Variants in VRK2 observed in about 807,000 individuals in gnomAD.
VRK2 encodes the protein serine/threonine-protein kinase VRK2.
VRK2 carries 60 observed loss-of-function variants against 57.6 expected under a neutral mutation model. The ratio of observed to expected loss-of-function variants is 1.04; its 90% CI spans 0.85 to 1.29. The LOEUF is 1.29. VRK2 is among the 50% of genes most tolerant of loss of function. The probability of loss-of-function intolerance (pLI) is 0.00; values close to 1 mark genes in which losing one functional copy is unlikely to be tolerated. For synonymous variants in VRK2, 231 were observed against 199.2 expected, an observed-to-expected ratio of 1.16 and a Z score of -1.35; for missense variants, 705 against 588.1, an observed-to-expected ratio of 1.20 and a Z score of -2.06.
At chr2:58,093,436 G>A (rs1192228226) in intron 7 of VRK2, among the ~76,000 whole-genome samples, 1 of 151,986 alleles carries the variant, frequency 6.6e-6, no homozygotes, top group Non-Finnish European at 1.5e-5. Flanking sequence ...ATTTTTTCAT[G>A]TGTTTTTTGG....
intron 1 of VRK2, among the ~76,000 whole-genome samples, chr2:57,941,920 A>G (rs1302743468): frequency 6.6e-6 from 1 of 152,196 alleles, no homozygotes; most frequent in Non-Finnish European, 1.5e-5. Context: ...TTGTATTTCT[A>G]TTCTGGGTGC....
intron 1 of VRK2, among the ~76,000 whole-genome samples, chr2:57,910,401 G>A (rs533040302): frequency 2.5e-4 from 38 of 152,262 alleles, no homozygotes; most frequent in African/African-American, 8.9e-4. Context: ...AACTTGTGAA[G>A]ACAGGAAATG....
chr2:58,048,528 T>C (rs761930633), intron 1 of VRK2: 209 of 1,332,542 alleles, frequency 1.6e-4, no homozygotes, highest in Non-Finnish European at 1.9e-4. Context: ...TTTCTTAAGG[T>C]GTGTCCTGCA....
intron 1 of VRK2, among the ~76,000 whole-genome samples, chr2:57,912,112 T>C (rs1325991065): frequency 6.6e-6 from 1 of 152,210 alleles, no homozygotes; most frequent in South Asian, 2.1e-4. Flanking sequence ...TTAACTGATA[T>C]AAATGCACAG....
At chr2:58,147,120 CCCCACCTTGTATA>C (rs1416451617) in intron 12 of VRK2, 4 of 516,970 alleles carry the variant, frequency 7.7e-6, no homozygotes, top group Non-Finnish European at 1.5e-5. Flanking sequence ...TAATTTAATA[CCCCACCTTGTATA>C]CCCTACCTAA....
chr2:57,958,500 T>G (rs753195129), intron 1 of VRK2, among the ~76,000 whole-genome samples: 1 of 151,756 alleles, frequency 6.6e-6, no homozygotes, highest in Non-Finnish European at 1.5e-5. Context: ...ATATGTGTCA[T>G]ATGCTATATA....
At chr2:58,110,875 A>G (rs1237485531) in intron 7 of VRK2, among the ~76,000 whole-genome samples, 1 of 152,204 alleles carries the variant, frequency 6.6e-6, no homozygotes, top group Non-Finnish European at 1.5e-5. Flanking sequence ...GCCTATTAGG[A>G]GAGACCCCAG....
chr2:58,121,512 A>G (rs543561967), intron 7 of VRK2, among the ~76,000 whole-genome samples: 51 of 152,346 alleles, frequency 3.3e-4, no homozygotes, highest in African/African-American at 1.2e-3. Flanking sequence ...CCATGTTAAG[A>G]AACAGCATCT....
chr2:58,146,585 G>T, intron 12 of VRK2, 111 bp downstream of exon 12: 1 of 1,261,958 alleles, frequency 7.9e-7, no homozygotes, highest in Non-Finnish European at 1.1e-6. Flanking sequence ...GTATGGTTTT[G>T]TTAAATGAGA....
intron 2 of VRK2, among the ~76,000 whole-genome samples, chr2:58,074,717 G>A (rs1669847179): frequency 6.6e-6 from 1 of 151,844 alleles, no homozygotes; most frequent in Non-Finnish European, 1.5e-5. Flanking sequence ...CTCTGGCACG[G>A]TTCATTTCTT....
chr2:57,996,842 T>A (rs1262345384), intron 1 of VRK2, among the ~76,000 whole-genome samples: 3 of 152,132 alleles, frequency 2.0e-5, no homozygotes, highest in Admixed American at 2.0e-4. Context: ...TTATTTATAA[T>A]ACCTAATGAA....
chr2:57,965,302 G>A (rs1410460413), intron 1 of VRK2, among the ~76,000 whole-genome samples: 1 of 152,160 alleles, frequency 6.6e-6, no homozygotes, highest in East Asian at 1.9e-4. Flanking sequence ...ATAGTTTCAT[G>A]GGAAAATAGC....
At chr2:58,159,895 G>T, downstream of VRK2, 5 of 1,564,160 alleles carry the variant, frequency 3.2e-6, no homozygotes, top group South Asian at 4.8e-5. Context: ...TAGTGTCATA[G>T]TACAGTTTGG....
At chr2:58,089,584 G>A (rs1427034584) in intron 6 of VRK2, 47 bp from the exon 7 acceptor site, 3 of 1,185,060 alleles carry the variant, frequency 2.5e-6, no homozygotes, top group Non-Finnish European at 3.6e-6. Flanking sequence ...AATTGATCAT[G>A]AGTTCTAAAT....
At chr2:58,148,765 T>A (rs1015846453) in intron 12 of VRK2, among the ~76,000 whole-genome samples, 4 of 151,746 alleles carry the variant, frequency 2.6e-5, no homozygotes, top group African/African-American at 9.7e-5. Context: ...ATTGAAAAGA[T>A]GTTCCTAATG....
chr2:58,047,262 C>CA (rs1303099395), intron 1 of VRK2: 2 of 333,984 alleles, frequency 6.0e-6, no homozygotes, highest in African/African-American at 4.5e-5. Flanking sequence ...TTCTCGTTAC[C>CA]TTCCGCAGGG....
At chr2:58,043,467 T>C (rs934741896), upstream of VRK2, among the ~76,000 whole-genome samples, 6 of 152,220 alleles carry the variant, frequency 3.9e-5, no homozygotes, top group Admixed American at 6.5e-5. Context: ...ATCCCAGCTC[T>C]TCGATTTCGA....
At chr2:58,088,469 G>A in intron 6 of VRK2, 23 bp downstream of exon 6, 2 of 1,502,710 alleles carry the variant, frequency 1.3e-6, no homozygotes, top group South Asian at 1.2e-5. Flanking sequence ...TATTTCGCAT[G>A]CTCCATTTCC....
At chr2:57,950,586 T>C (rs1485944091) in intron 1 of VRK2, among the ~76,000 whole-genome samples, 3 of 152,188 alleles carry the variant, frequency 2.0e-5, no homozygotes, top group Non-Finnish European at 2.9e-5. Context: ...TCAATGGAGA[T>C]GTATAAGGAG....
Sources: allele counts gnomAD v4.1 joint callset (sites outside exome capture counted in the v4.1 genomes callset), GRCh38; gene constraint gnomAD v4.1.1; transcripts MANE v1.5; gene names NCBI Gene and HGNC (gene_info 2026-07-23, HGNC 2026-07-21).